ZZEF1: variants seen among roughly 807,000 people sequenced by gnomAD.
ZZEF1 encodes the protein zinc finger ZZ-type and EF-hand domain containing 1.
ZZEF1 carries 157 observed loss-of-function variants against 342.8 expected under a neutral mutation model. The ratio of observed to expected loss-of-function variants is 0.46; its 90% CI spans 0.40 to 0.52. The LOEUF is 0.52. Ranked by LOEUF, ZZEF1 falls within the 20% of genes least tolerant of loss-of-function variation. The pLI, the probability that ZZEF1 is intolerant of heterozygous loss-of-function variation, is 0.00. For missense variants in ZZEF1, 3,480 were observed against 3,725.6 expected (o/e 0.93, Z 1.72); for synonymous variants, 1,505 against 1,429.1 (o/e 1.05, Z -1.20).
chr17:4,132,176 A>T (rs1222911576), intron 1 of ZZEF1, among the ~76,000 whole-genome samples: 1 of 150,298 alleles, frequency 6.7e-6, no homozygotes, highest in Non-Finnish European at 1.5e-5. Flanking sequence ...TGTACAACTG[A>T]TAAAAATAAA....
chr17:4,096,750 C>G, intron 9 of ZZEF1, 50 bp from the exon 10 acceptor site: 4 of 1,413,208 alleles, frequency 2.8e-6, no homozygotes, highest in Non-Finnish European at 4.0e-6. Context: ...TTTTATAGCC[C>G]TAAGAACTAA....
At position 4,068,117 on chromosome 17, in the gene ZZEF1, T is replaced by C. The variant is rs990271114; in HGVS notation, c.4076-875A>G. Among the ~76,000 whole-genome samples the C allele has an allele frequency of 5.9e-5, 9 of 152,080 alleles. No homozygotes were observed. The South Asian group carries it at 1.0e-3, about 18-fold the overall frequency. On this transcript the variant is annotated intron_variant, in intron 26 of 54. Coordinates refer to ENST00000381638, the MANE Select transcript of ZZEF1 (RefSeq NM_015113.4). ...AAAATAAAATGTGTATGGATACACA[T>C]ATATATATACAAATATACATACATA...
chr17:4,047,278 A>G (rs375566478), intron 37 of ZZEF1, among the ~76,000 whole-genome samples: 11 of 152,356 alleles, frequency 7.2e-5, no homozygotes, highest in African/African-American at 2.2e-4. Flanking sequence ...AAATAATGGC[A>G]ACATATCAAA....
chr17:4,133,679 T>A (rs2058704070), intron 1 of ZZEF1, among the ~76,000 whole-genome samples: 1 of 152,000 alleles, frequency 6.6e-6, no homozygotes, highest in African/African-American at 2.4e-5. Context: ...TAATAAAAAT[T>A]CTATATAACC....
Position 4,009,678 on chromosome 17 carries a change from T to A in ZZEF1, c.8659A>T (p.Thr2887Ser), listed in dbSNP as rs758721866. The change falls in exon 53 of 55, where the codon ACG becomes TCG. Residue 2887 changes from threonine (T) to serine (S), a missense_variant. Thr to Ser is a moderately conservative substitution (Grantham distance 58, BLOSUM62 1). Transcript: ENST00000381638. ...AGGGGAAGGAGGATGCCGGGCTGCG[T>A]CACGTCCTCAAACAGGCCGTACTCC... ...HMEYGLFEDV[T>S]QPGILLPLHR... 2 of 1,613,992 alleles carry A rather than the reference T, an allele frequency of 1.2e-6. No homozygotes were observed. Among genetic ancestry groups the A allele is most frequent in the Admixed American group, 1.7e-5 (1 of 60,004 alleles).
chr17:4,078,407 A>C (rs1221590464), intron 18 of ZZEF1, among the ~76,000 whole-genome samples: 2 of 152,144 alleles, frequency 1.3e-5, no homozygotes, highest in African/African-American at 2.4e-5. Flanking sequence ...ATCATTATTC[A>C]TGCCTCCATG....
intron 42 of ZZEF1, among the ~76,000 whole-genome samples, chr17:4,030,728 G>A (rs964801690): frequency 2.0e-5 from 3 of 152,170 alleles, no homozygotes; most frequent in Non-Finnish European, 4.4e-5. Flanking sequence ...AAGCGACTGC[G>A]CCTGGCTCCT....
At position 4,012,535 on chromosome 17, in the gene ZZEF1, A is replaced by G. The variant is rs535614925; in HGVS notation, c.8579+914T>C. Among the ~76,000 whole-genome samples, 6 of 152,286 alleles carry G rather than the reference A, an allele frequency of 3.9e-5. No individual in the cohort carries two copies. The East Asian group carries it at 7.7e-4, about 20-fold the overall frequency. ...GCTCCTGACAGGGAGGGTTCTGAGC[A>G]AGGAGGGTGGGGGCCAGGCAGACAG... On this transcript the variant is annotated intron_variant, in intron 52 of 54. Transcript: ENST00000381638.
intron 37 of ZZEF1, among the ~76,000 whole-genome samples, chr17:4,046,758 C>T (rs1159523583): frequency 6.6e-6 from 1 of 152,212 alleles, no homozygotes; most frequent in Admixed American, 6.5e-5. Context: ...CAAGTTATGG[C>T]AAATGACTTA....
At chr17:4,058,180 T>C (rs1181207097) in intron 31 of ZZEF1, 25 bp from the exon 32 acceptor site, 1 of 1,598,156 alleles carries the variant, frequency 6.3e-7, no homozygotes, top group Admixed American at 1.7e-5. Context: ...AAGTGACCAT[T>C]AGCAGAGCTG....
Position 4,072,695 on chromosome 17 carries a change from C to T in ZZEF1, c.3747G>A (p.Leu1249=). 1 of 1,614,090 alleles carries T rather than the reference C, an allele frequency of 6.2e-7. No homozygotes were observed. Among genetic ancestry groups the T allele is most frequent in the South Asian group, 1.1e-5 (1 of 91,068 alleles). ...CCTGATGCCTGAAGACAGGTTTCCA[C>T]AGTGGGGAGCTTAGGACTAATGCCA... ...AKMALVLSSP[L]WKPVFRHQVC... Residue 1249 remains leucine (L), a synonymous_variant, in exon 25 of 55, where the codon CTG becomes CTA. Coordinates refer to ENST00000381638, the MANE Select transcript of ZZEF1 (RefSeq NM_015113.4).
Position 4,066,008 on chromosome 17 carries a change from G to GA in ZZEF1, c.4249+438dup, listed in dbSNP as rs141052089. On this transcript the variant is annotated intron_variant, in intron 28 of 54. Coordinates refer to ENST00000381638, the MANE Select transcript of ZZEF1 (RefSeq NM_015113.4). ...TGCTTAACACAGGCGATACAAAGAG[G>GA]AAAAAAAAATTTGCCAGGTGTTGTG... 5.3e-3 allele frequency among the ~76,000 whole-genome samples: 799 copies of GA among 151,270 alleles called. 9 individuals carry two copies. The highest frequency in any genetic ancestry group is 0.018 in the African/African-American group (762 of 41,216).
chr17:4,115,647 A>C (rs1216754498), intron 3 of ZZEF1, among the ~76,000 whole-genome samples: 1 of 152,254 alleles, frequency 6.6e-6, no homozygotes, highest in African/African-American at 2.4e-5. Context: ...TGGGAGACAG[A>C]GTAAGACTCC....
Position 4,088,770 on chromosome 17 carries a change from C to T in ZZEF1, c.2149G>A (p.Ala717Thr), listed in dbSNP as rs765081901. The change falls in exon 13 of 55, where the codon GCA (alanine) becomes ACA (threonine). Residue 717 changes from alanine (A) to threonine (T), a missense_variant. Physicochemically the swap from Ala to Thr is moderately conservative, Grantham distance 58. Transcript: ENST00000381638. ...RAEAEQSVTC[A>T]HCRKDTEESV... Reference sequence around the variant, plus strand: ...TCCTCTGTGTCCTTTCTGCAGTGTGCACAGGTGACGCTCTGTTCTGCTTCT... The same window carrying T: ...TCCTCTGTGTCCTTTCTGCAGTGTGTACAGGTGACGCTCTGTTCTGCTTCT... 6.2e-7 allele frequency: 1 copy of T among 1,614,218 alleles called. No homozygotes were observed. The highest frequency in any genetic ancestry group is 1.1e-5 in the South Asian group (1 of 91,088).
chr17:4,136,563 G>C (rs8064712), intron 1 of ZZEF1, among the ~76,000 whole-genome samples: 23,678 of 152,022 alleles, frequency 0.16, 2,048 homozygotes, highest in African/African-American at 0.23. Context: ...AGGCTGGCTC[G>C]AGGCCCAGTT....
At position 4,142,694 on chromosome 17, in the gene ZZEF1, G is replaced by T; in HGVS notation, c.202C>A (p.Pro68Thr). 6.2e-7 allele frequency: 1 copy of T among 1,605,150 alleles called. No individual in the cohort carries two copies. Among genetic ancestry groups the T allele is most frequent in the Non-Finnish European group, 8.5e-7 (1 of 1,178,834 alleles). ...TGCCTCGACACCAGCGACTCGCAGGGGGGTGTGGGCAGCAACGCTGCAGCA... is the reference window on the plus strand; with the variant it reads ...TGCCTCGACACCAGCGACTCGCAGGTGGGTGTGGGCAGCAACGCTGCAGCA... ...EAAAALLPTP[P>T]CESLVSRHRG... The change falls in exon 1 of 55, where the codon CCC (proline) becomes ACC (threonine). Residue 68 changes from proline (P) to threonine (T), a missense_variant. By Grantham distance (38) the Pro-to-Thr change is conservative. Transcript: ENST00000381638.
intron 28 of ZZEF1, among the ~76,000 whole-genome samples, chr17:4,065,603 C>G (rs973528093): frequency 3.3e-5 from 5 of 152,046 alleles, no homozygotes; most frequent in African/African-American, 1.2e-4. Flanking sequence ...TTCCATGTAC[C>G]TGTCACTCAG....
chr17:4,104,835 T>C, intron 7 of ZZEF1, 24 bp from the exon 8 acceptor site: 2 of 1,602,080 alleles, frequency 1.2e-6, no homozygotes, highest in South Asian at 2.2e-5. Context: ...GCAAAAACTT[T>C]TCACTTCTTA....
chr17:4,005,214 A>T lies in ZZEF1; in HGVS notation c.*1676T>A, dbSNP rs1180752474. Reference sequence around the variant, plus strand: ...AGGCCTCCTCGGGTCTGAGGGATGAAGAAGGTGGGGCCTTCTCTGGGGTGG... The same window carrying T: ...AGGCCTCCTCGGGTCTGAGGGATGATGAAGGTGGGGCCTTCTCTGGGGTGG... On this transcript the variant is annotated 3_prime_UTR_variant, in exon 55 of 55. Transcript: ENST00000381638. 2 of 152,488 alleles carry T rather than the reference A, an allele frequency of 1.3e-5. No homozygotes were observed. The highest frequency in any genetic ancestry group is 2.9e-5 in the Non-Finnish European group (2 of 68,256). 9.4% of individuals were successfully genotyped at this position (152,488 alleles called of 1,614,324 possible). A position where few individuals can be genotyped will look rare whatever the true frequency, so the allele number is the denominator to read the frequency against.
Sources: allele counts gnomAD v4.1 joint callset (sites outside exome capture counted in the v4.1 genomes callset), GRCh38; gene constraint gnomAD v4.1.1; transcripts MANE v1.5; gene names NCBI Gene and HGNC (gene_info 2026-07-23, HGNC 2026-07-21).